Variants in SCP2 observed in about 807,000 individuals in gnomAD.
SCP2 encodes SCP-2/3-oxoacyl-CoA thiolase.
In SCP2, 48 loss-of-function variants were observed where a neutral mutation model predicts 71.4. That is an observed-to-expected ratio of 0.67 (90% CI 0.53 to 0.86). The LOEUF (loss-of-function observed/expected upper bound fraction) is 0.86, where lower values mean the gene tolerates loss of function less well. SCP2 is among the 40% of genes least tolerant of loss of function. The pLI is 0.00. For missense variants in SCP2, 560 were observed against 655.6 expected, an observed-to-expected ratio of 0.85 and a Z score of 1.59; for synonymous variants, 220 against 218.1, an observed-to-expected ratio of 1.01 and a Z score of -0.08.
At chr1:52,952,478 T>G (rs934853849) in intron 4 of SCP2, among the ~76,000 whole-genome samples, 4 of 152,190 alleles carry the variant, frequency 2.6e-5, no homozygotes, top group African/African-American at 9.6e-5. Flanking sequence ...CTTCCTGCCT[T>G]GGCCCCTCAA....
intron 2 of SCP2, 81 bp downstream of exon 2, chr1:52,941,934 C>T (rs1572054693): frequency 3.8e-6 from 4 of 1,039,484 alleles, no homozygotes; most frequent in Non-Finnish European, 6.0e-6. Flanking sequence ...GGCAGCCTTG[C>T]AAGCACAAAA....
chr1:52,941,788 A>G lies in SCP2; in HGVS notation c.70-8A>G, dbSNP rs771434877. The G allele has an allele frequency of 1.3e-6, 2 of 1,577,214 alleles. No homozygotes were observed. Among genetic ancestry groups the G allele is most frequent in the Non-Finnish European group, 1.7e-6 (2 of 1,146,608 alleles). On this transcript the variant is annotated splice_region_variant and splice_polypyrimidine_tract_variant and intron_variant, in intron 1 of 15. Transcript: ENST00000371514. ...GTTTGTATTTATTATCTCTTTCTATATCTCTAGTTTGTGAAGCCTGGAGCT... is the reference window on the plus strand; with the variant it reads ...GTTTGTATTTATTATCTCTTTCTATGTCTCTAGTTTGTGAAGCCTGGAGCT...
intron 11 of SCP2, among the ~76,000 whole-genome samples, chr1:52,997,190 A>G (rs1034737705): frequency 6.6e-6 from 1 of 152,180 alleles, no homozygotes; most frequent in Non-Finnish European, 1.5e-5. Context: ...ATTTTTTTCC[A>G]GACAGTCTCA....
At position 53,039,063 on chromosome 1, in the gene SCP2, C is replaced by A. The variant is rs79342751; in HGVS notation, c.1468+17C>A. On this transcript the variant is annotated intron_variant, in intron 14 of 15. Coordinates refer to ENST00000371514, the MANE Select transcript of SCP2 (RefSeq NM_002979.5). The stretch of plus-strand genomic sequence containing the variant: ...CTAACTCAGGTTAGTTTGGGAATGA[C>A]TTCATTCTAGGAGCACTGACGAGTT... The A allele has an allele frequency of 1.2e-3, 1,922 of 1,614,044 alleles. 29 individuals are homozygous for A. In the African/African-American group the frequency reaches 0.023, roughly 19 times the overall value.
chr1:52,942,045 C>A (rs1654298418), intron 2 of SCP2, among the ~76,000 whole-genome samples, 192 bp downstream of exon 2: 1 of 152,144 alleles, frequency 6.6e-6, no homozygotes, highest in Non-Finnish European at 1.5e-5. Flanking sequence ...ATAGCCAGAG[C>A]AGAGAGTGGC....
chr1:52,934,084 A>T (rs1011566403), intron 1 of SCP2, among the ~76,000 whole-genome samples: 5 of 152,234 alleles, frequency 3.3e-5, no homozygotes, highest in African/African-American at 1.2e-4. Context: ...GAGCTAAACC[A>T]ACTACTTTTT....
intron 11 of SCP2, among the ~76,000 whole-genome samples, chr1:53,011,590 G>A (rs1660991827): frequency 6.6e-6 from 1 of 152,232 alleles, no homozygotes; most frequent in African/African-American, 2.4e-5. Context: ...GCAAGATGAT[G>A]TTTTGTAACC....
chr1:53,040,474 G>A (rs892391860), intron 14 of SCP2, among the ~76,000 whole-genome samples: 4 of 151,990 alleles, frequency 2.6e-5, no homozygotes, highest in Admixed American at 1.3e-4. Context: ...TTGGATCTTT[G>A]CTCAAATTTC....
intron 11 of SCP2, among the ~76,000 whole-genome samples, chr1:53,005,344 G>A (rs576219396): frequency 1.4e-4 from 22 of 152,318 alleles, no homozygotes; most frequent in African/African-American, 4.1e-4. Flanking sequence ...CCTGACCCCC[G>A]AGTAGCCTAA....
At chr1:53,001,396 T>C (rs1036000716) in intron 11 of SCP2, among the ~76,000 whole-genome samples, 4 of 152,168 alleles carry the variant, frequency 2.6e-5, no homozygotes, top group African/African-American at 7.2e-5. Context: ...AGAGGAAGCA[T>C]GTTTAAACCA....
At position 53,003,636 on chromosome 1, in the gene SCP2, C is replaced by G. The variant is rs146797044; in HGVS notation, c.1082-11254C>G. Among the ~76,000 whole-genome samples the G allele has an allele frequency of 6.2e-3, 950 of 152,246 alleles. 16 individuals carry two copies. Among genetic ancestry groups the G allele is most frequent in the African/African-American group, 0.022 (913 of 41,556 alleles). On this transcript the variant is annotated intron_variant, in intron 11 of 15. Coordinates refer to ENST00000371514, the MANE Select transcript of SCP2 (RefSeq NM_002979.5). ...CTGGGCTCAAGTGATCCTCCCGCCT[C>G]AGTCTCCCAAGTAGCTGGGACCACA...
intron 11 of SCP2, chr1:52,993,787 C>T (rs914317610): frequency 1.3e-6 from 2 of 1,562,224 alleles, no homozygotes. Flanking sequence ...TCTCCTCCCC[C>T]AGCACCAAGA....
chr1:53,023,175 T>A (rs75691421), intron 12 of SCP2, among the ~76,000 whole-genome samples: 2,644 of 152,252 alleles, frequency 0.017, 77 homozygotes, highest in African/African-American at 0.06. Context: ...CATATTAACT[T>A]TTAATCTGGA....
chr1:53,031,067 T>G (rs1662514884), intron 13 of SCP2, among the ~76,000 whole-genome samples: 1 of 152,176 alleles, frequency 6.6e-6, no homozygotes, highest in South Asian at 2.1e-4. Context: ...TGCCAATATA[T>G]TCCTGCAGAG....
intron 5 of SCP2, among the ~76,000 whole-genome samples, chr1:52,960,048 C>T (rs6685819): frequency 0.067 from 10,146 of 151,970 alleles, 583 homozygotes; most frequent in East Asian, 0.21. Flanking sequence ...CCTGCCACCA[C>T]GCCCAGCTAA....
At chr1:53,038,469 A>T (rs921688161) in intron 13 of SCP2, among the ~76,000 whole-genome samples, 1 of 152,016 alleles carries the variant, frequency 6.6e-6, no homozygotes, top group African/African-American at 2.4e-5. Flanking sequence ...CAGTGGCATG[A>T]TCATAGCTCA....
In SCP2 at chr1:52,980,491, C is replaced by T. The variant is rs776484889; in HGVS notation, c.921C>T (p.Cys307=). The T allele has an allele frequency of 4.4e-5, 71 of 1,613,888 alleles. No individual in the cohort carries two copies. The East Asian group carries it at 1.6e-3, about 35-fold the overall frequency. The change falls in exon 10 of 16, where the codon TGC becomes TGT. Residue 307 remains cysteine, a synonymous_variant. Transcript: ENST00000371514. ...NDIDVIELHD[C]FSTNELLTYE... ...TTGACGTAATAGAACTTCACGATTGCTTTTCTACCAACGAACTCCTTACTT... is the reference window on the plus strand; with the variant it reads ...TTGACGTAATAGAACTTCACGATTGTTTTTCTACCAACGAACTCCTTACTT...
chr1:53,007,398 G>T (rs1485166757), intron 11 of SCP2, among the ~76,000 whole-genome samples: 2 of 152,148 alleles, frequency 1.3e-5, no homozygotes, highest in African/African-American at 2.4e-5. Flanking sequence ...CTCAGCAAAT[G>T]TAAAAGAACA....
intron 13 of SCP2, among the ~76,000 whole-genome samples, chr1:53,033,167 TATTTTAGGACTACTTATTAAAACTAAAC>T (rs763141523): frequency 1.6e-4 from 25 of 152,326 alleles, no homozygotes; most frequent in Non-Finnish European, 3.2e-4. Flanking sequence ...CCTGACTAAA[TATTTTAGGACTACTTATTAAAACTAAAC>T]ATTTTAGGAC....
Sources: allele counts gnomAD v4.1 joint callset (sites outside exome capture counted in the v4.1 genomes callset), GRCh38; gene constraint gnomAD v4.1.1; transcripts MANE v1.5; gene names NCBI Gene and HGNC (gene_info 2026-07-23, HGNC 2026-07-21).